The following PTK7 variants were observed in gnomAD, a reference collection of about 807,000 sequenced individuals.
PTK7 encodes the protein inactive tyrosine-protein kinase 7.
In PTK7, 39 loss-of-function variants were observed where a neutral mutation model predicts 116.6. The observed-to-expected ratio is 0.33, with a 90% CI of 0.26 to 0.44. The LOEUF is 0.44. Ranked by LOEUF, PTK7 falls within the 20% of genes least tolerant of loss-of-function variation. PTK7 has a pLI of 1.00. For missense variants in PTK7, 1,169 were observed against 1,425.6 expected (o/e 0.82, Z 2.90); for synonymous variants, 546 against 563.6 (o/e 0.97, Z 0.44).
intron 1 of PTK7, among the ~76,000 whole-genome samples, chr6:43,099,135 G>A (rs1767423266): frequency 2.0e-5 from 3 of 150,116 alleles, no homozygotes; most frequent in Non-Finnish European, 4.4e-5. Flanking sequence ...AAAAAAATGT[G>A]ACTTTGGCAA....
Position 43,160,776 on chromosome 6 carries a change from C to CT in PTK7, c.3109dup (p.Tyr1037LeufsTer20). The CT allele has an allele frequency of 5.0e-6, 8 of 1,614,232 alleles. No individual in the cohort carries two copies. The highest frequency in any genetic ancestry group is 2.2e-5 in the East Asian group (1 of 44,892). ...AGCCCGAGGGCTGCCCTTCCAAACT[C>CT]TATCGGCTGATGCAGCGCTGCTGGG... On this transcript the variant is annotated frameshift_variant, in exon 20 of 20. Coordinates refer to ENST00000230419, the MANE Select transcript of PTK7 (RefSeq NM_002821.5). LOFTEE classifies it high-confidence loss of function.
chr6:43,134,586 C>T (rs1048490401), intron 7 of PTK7, among the ~76,000 whole-genome samples: 2 of 151,938 alleles, frequency 1.3e-5, no homozygotes, highest in African/African-American at 2.4e-5. Context: ...TCGAGATCAG[C>T]CTGACCAACA....
chr6:43,094,858 A>T (rs1381677849), intron 1 of PTK7, among the ~76,000 whole-genome samples: 1 of 151,902 alleles, frequency 6.6e-6, no homozygotes, highest in Non-Finnish European at 1.5e-5. Context: ...CAGCCTGACC[A>T]ACATGGTGAA....
At chr6:43,077,128 C>A (rs1365555659) in intron 1 of PTK7, 6 of 960,646 alleles carry the variant, frequency 6.2e-6, no homozygotes, top group Non-Finnish European at 6.9e-6. Flanking sequence ...GATGGCCCTG[C>A]GGGTGAGGGC....
At position 43,142,190 on chromosome 6, in the gene PTK7, T is replaced by C; in HGVS notation, c.1938T>C (p.Asn646=). 3 of 1,614,128 alleles carry C rather than the reference T, an allele frequency of 1.9e-6. No individual in the cohort carries two copies. The highest frequency in any genetic ancestry group is 2.5e-6 in the Non-Finnish European group (3 of 1,180,012). ...CCGACAGGATGCACATCTTCCAGAA[T>C]GGCTCCCTGGTGATCCATGACGTGG... ...KLGPRMHIFQ[N]GSLVIHDVAP... The change falls in exon 13 of 20, where the codon AAT becomes AAC. Residue 646 remains asparagine, a synonymous_variant. Coordinates refer to ENST00000230419, the MANE Select transcript of PTK7 (RefSeq NM_002821.5).
chr6:43,152,261 A>C (rs977950031), intron 17 of PTK7, among the ~76,000 whole-genome samples: 1 of 151,038 alleles, frequency 6.6e-6, no homozygotes, highest in African/African-American at 2.4e-5. Context: ...AGCCAGGCAC[A>C]GTGGCTCACG....
intron 17 of PTK7, among the ~76,000 whole-genome samples, chr6:43,148,077 A>T (rs563973045): frequency 6.6e-6 from 1 of 152,058 alleles, no homozygotes; most frequent in East Asian, 1.9e-4. Flanking sequence ...ACATAGTAAG[A>T]CCCTGTCTCT....
chr6:43,153,465 A>G (rs541308442), intron 17 of PTK7, among the ~76,000 whole-genome samples: 12 of 152,128 alleles, frequency 7.9e-5, no homozygotes, highest in African/African-American at 2.9e-4. Context: ...GCTGGAATGC[A>G]GTGGTGCAAT....
At chr6:43,100,907 T>A (rs1767535539) in intron 1 of PTK7, among the ~76,000 whole-genome samples, 1 of 152,158 alleles carries the variant, frequency 6.6e-6, no homozygotes, top group Non-Finnish European at 1.5e-5. Context: ...TTAAAATGAC[T>A]GGATAGACAG....
rs534553772 is a variant in PTK7, at chr6:43,139,192, G to A, written c.1419G>A (p.Val473=). 6.2e-6 allele frequency: 10 copies of A among 1,614,230 alleles called. No individual in the cohort carries two copies. The South Asian group carries it at 9.9e-5, about 16-fold the overall frequency. Reference sequence around the variant, plus strand: ...CCTTGCGCATCAACAGCGTGGAGGTGTATGATGGGACATGGTACCGTTGTA... The same window carrying A: ...CCTTGCGCATCAACAGCGTGGAGGTATATGATGGGACATGGTACCGTTGTA... ...NGTLRINSVE[V]YDGTWYRCMS... Residue 473 remains valine, a synonymous_variant, in exon 9 of 20, where the codon GTG becomes GTA. Transcript: ENST00000230419. The surrounding 1 kb of genome is among the most constrained non-coding windows in gnomAD (Gnocchi z 4.6).
intron 10 of PTK7, among the ~76,000 whole-genome samples, chr6:43,140,320 G>A (rs1393060886): frequency 6.6e-6 from 1 of 151,936 alleles, no homozygotes; most frequent in Non-Finnish European, 1.5e-5. Flanking sequence ...AGGGGTGGCG[G>A]CACGCATCTG....
At position 43,139,315 on chromosome 6, in the gene PTK7, G is replaced by A. The variant is rs766925779; in HGVS notation, c.1498+44G>A. On this transcript the variant is annotated intron_variant, in intron 9 of 19. Transcript: ENST00000230419. This position sits in a 1 kb window ranked among gnomAD's most constrained non-coding sequence, Gnocchi z 4.6. ...GGGGAGCACCCTTCCTGGCTAGGCA[G>A]GAGAGGAAAGGGGAGGGAGCAGCAG... is the stretch of plus-strand genomic sequence containing the variant. The A allele has an allele frequency of 1.1e-5, 18 of 1,614,068 alleles. No homozygotes were observed. The African/African-American group carries it at 1.5e-4, about 13-fold the overall frequency.
chr6:43,077,160 G>A (rs1371139970), intron 1 of PTK7, among the ~76,000 whole-genome samples: 3 of 152,232 alleles, frequency 2.0e-5, no homozygotes, highest in African/African-American at 4.8e-5. Context: ...AGAGTTAGGG[G>A]CCGCCCCCAT....
At chr6:43,077,146 G>A (rs1766085706) in intron 1 of PTK7, among the ~76,000 whole-genome samples, 1 of 152,222 alleles carries the variant, frequency 6.6e-6, no homozygotes, top group Admixed American at 6.5e-5. Flanking sequence ...GGCGGAAGAA[G>A]GGAAGAGTTA....
At chr6:43,136,976 C>T (rs1035628580) in intron 7 of PTK7, among the ~76,000 whole-genome samples, 1 of 152,134 alleles carries the variant, frequency 6.6e-6, no homozygotes, top group Non-Finnish European at 1.5e-5. Context: ...TGCACTCCAG[C>T]CTAGGTAACA....
Position 43,126,228 on chromosome 6 carries a change from G to A in PTK7, c.80-2749G>A, listed in dbSNP as rs190055233. Among the ~76,000 whole-genome samples, 39 of 152,284 alleles carry A rather than the reference G, an allele frequency of 2.6e-4. No homozygotes were observed. The East Asian group carries it at 7.1e-3, about 28-fold the overall frequency. ...CCAGCTACTCGGGAGGCTAAGGCAT[G>A]AGAATCGCTTAAATCCGAGAGGTGG... On this transcript the variant is annotated intron_variant, in intron 1 of 19. Transcript: ENST00000230419.
intron 7 of PTK7, among the ~76,000 whole-genome samples, chr6:43,136,939 G>A (rs1770078178): frequency 6.6e-6 from 1 of 152,218 alleles, no homozygotes; most frequent in East Asian, 1.9e-4. Flanking sequence ...GGGACGCTGA[G>A]GCTGCAGTAA....
chr6:43,138,677 T>G, intron 7 of PTK7, 172 bp from the exon 8 acceptor site: 2 of 889,276 alleles, frequency 2.2e-6, no homozygotes, highest in Non-Finnish European at 3.3e-6. Flanking sequence ...AAAAAAAATT[T>G]TAAAAAAGGT....
chr6:43,114,368 C>A (rs940797879), intron 1 of PTK7, among the ~76,000 whole-genome samples: 3 of 152,166 alleles, frequency 2.0e-5, no homozygotes, highest in Admixed American at 6.5e-5. Flanking sequence ...CTCTCTCTCT[C>A]TCTGTCAGTC....
Sources: allele counts gnomAD v4.1 joint callset (sites outside exome capture counted in the v4.1 genomes callset), GRCh38; gene constraint gnomAD v4.1.1; non-coding constraint Gnocchi (gnomAD v3.1); transcripts MANE v1.5; gene names NCBI Gene and HGNC (gene_info 2026-07-23, HGNC 2026-07-21).